Variants in IL1RAPL1 observed in about 807,000 individuals in gnomAD.
The protein encoded by IL1RAPL1 is interleukin-1 receptor accessory protein-like 1.
Under a neutral mutation model 48.4 loss-of-function variants are expected in IL1RAPL1, and 3 were observed. The ratio of observed to expected loss-of-function variants is 0.06; its 90% CI spans 0.03 to 0.16. IL1RAPL1 has a LOEUF of 0.16. Ranked by LOEUF, IL1RAPL1 falls within the 10% of genes least tolerant of loss-of-function variation. The pLI is 1.00. For missense variants in IL1RAPL1, 349 were observed against 530.6 expected (o/e 0.66, Z 3.36); for synonymous variants, 185 against 187.7 (o/e 0.99, Z 0.12).
chrX:28,643,416 T>C (rs1934570763), intron 1 of IL1RAPL1, among the ~76,000 whole-genome samples: 1 of 111,203 alleles, frequency 9.0e-6, no homozygotes, highest in African/African-American at 3.3e-5. Flanking sequence ...GGAAGTCACA[T>C]ACCATCACGT....
intron 5 of IL1RAPL1, among the ~76,000 whole-genome samples, chrX:29,589,329 G>A (rs973286957): frequency 9.0e-6 from 1 of 111,615 alleles, no homozygotes; most frequent in Admixed American, 9.5e-5. Context: ...CATAGTTAGC[G>A]AGCATCTTCT....
In IL1RAPL1 at chrX:29,955,508, C is replaced by T. The variant is rs368495685; in HGVS notation, c.1779C>T (p.Ala593=). ...ELQTVSAISM[A]AATSTALATA... is the part of the protein sequence containing the mutation. ...AGACTGTCTCGGCCATTTCCATGGC[C>T]GCGGCCACCTCCACAGCTCTAGCCA... Residue 593 remains alanine (A), a synonymous_variant, in exon 11 of 11, where the codon GCC becomes GCT. Coordinates refer to ENST00000378993, the MANE Select transcript of IL1RAPL1 (RefSeq NM_014271.4). 3.1e-5 allele frequency: 38 copies of T among 1,210,454 alleles called. No homozygotes were observed. In the South Asian group the frequency reaches 6.0e-4, roughly 19 times the overall value.
At chrX:28,939,852 A>G (rs1474411417) in intron 2 of IL1RAPL1, among the ~76,000 whole-genome samples, 1 of 111,184 alleles carries the variant, frequency 9.0e-6, no homozygotes, top group Non-Finnish European at 1.9e-5. Flanking sequence ...GTATGTTCAG[A>G]GGCAACTTTA....
intron 5 of IL1RAPL1, among the ~76,000 whole-genome samples, chrX:29,444,245 G>A (rs930807980): frequency 8.2e-5 from 9 of 109,156 alleles, no homozygotes; most frequent in African/African-American, 3.0e-4. Flanking sequence ...GGGAGTCAGA[G>A]GTGAGAGAAT....
chrX:29,270,812 G>A (rs1932030325), intron 2 of IL1RAPL1, among the ~76,000 whole-genome samples: 1 of 111,603 alleles, frequency 9.0e-6, no homozygotes, highest in Admixed American at 9.5e-5. Flanking sequence ...CCATTTGATT[G>A]TCATTGTATT....
At chrX:29,813,172 A>G (rs1348281172) in intron 6 of IL1RAPL1, among the ~76,000 whole-genome samples, 1 of 111,713 alleles carries the variant, frequency 9.0e-6, no homozygotes, top group Non-Finnish European at 1.9e-5. Flanking sequence ...GGGAAATATT[A>G]TGTATGTATG....
intron 3 of IL1RAPL1, among the ~76,000 whole-genome samples, chrX:29,288,933 T>C (rs191924856): frequency 1.5e-3 from 169 of 112,652 alleles, no homozygotes; most frequent in African/African-American, 5.1e-3. Flanking sequence ...CGTTTTTTCA[T>C]ATGTTTGTTG....
chrX:29,515,843 C>T (rs1013960803), intron 5 of IL1RAPL1, among the ~76,000 whole-genome samples: 5 of 111,002 alleles, frequency 4.5e-5, no homozygotes, highest in African/African-American at 6.6e-5. Flanking sequence ...TGTACCACCA[C>T]GCCTGGATGA....
rs990917730 is a variant in IL1RAPL1 at position 29,436,939 on chromosome X, C to A, written c.703+37631C>A. ...TTTGCTCTCAATTCTTTATATCTTA[C>A]GTGACAGCAATTAGTACCATGTAAT... On this transcript the variant is annotated intron_variant, in intron 5 of 10. Transcript: ENST00000378993. Among the ~76,000 whole-genome samples, 3 of 110,142 alleles carry A rather than the reference C, an allele frequency of 2.7e-5. No homozygotes were observed. The South Asian group carries it at 1.1e-3, about 41-fold the overall frequency.
At chrX:28,740,680 A>G (rs1408504855) in intron 1 of IL1RAPL1, among the ~76,000 whole-genome samples, 1 of 110,315 alleles carries the variant, frequency 9.1e-6, no homozygotes, top group Admixed American at 9.7e-5. Flanking sequence ...CCCAGTGTCT[A>G]TTGTCCCTCT....
In IL1RAPL1 at chrX:29,430,681, T is replaced by C. The variant is rs769313658; in HGVS notation, c.703+31373T>C. ...CTACATAAATTACATGATAGATATATAAATGTGTGTGTGTATATATGTAAA... is the reference window on the plus strand; with the variant it reads ...CTACATAAATTACATGATAGATATACAAATGTGTGTGTGTATATATGTAAA... On this transcript the variant is annotated intron_variant, in intron 5 of 10. Transcript: ENST00000378993. Among the ~76,000 whole-genome samples the C allele has an allele frequency of 2.3e-4, 25 of 110,559 alleles. No individual in the cohort carries two copies. The Admixed American group carries it at 2.4e-3, about 10-fold the overall frequency.
chrX:29,151,595 GA>G (rs1461046060), intron 2 of IL1RAPL1, among the ~76,000 whole-genome samples: 9 of 111,878 alleles, frequency 8.0e-5, no homozygotes, highest in Non-Finnish European at 1.5e-4. Context: ...GTGTTATCAA[GA>G]AAGTTACAAC....
At chrX:29,387,904 A>C (rs1192103783) in intron 3 of IL1RAPL1, among the ~76,000 whole-genome samples, 1 of 108,842 alleles carries the variant, frequency 9.2e-6, no homozygotes, top group African/African-American at 3.3e-5. Context: ...GAGGCACGAT[A>C]ATTCCTTGAA....
intron 3 of IL1RAPL1, among the ~76,000 whole-genome samples, chrX:29,337,010 G>A (rs1214626861): frequency 9.0e-6 from 1 of 110,881 alleles, no homozygotes; most frequent in Non-Finnish European, 1.9e-5. Context: ...AGACTGGAGG[G>A]TGGGAGAAGG....
At chrX:29,110,467 A>G (rs1928539798) in intron 2 of IL1RAPL1, among the ~76,000 whole-genome samples, 1 of 111,786 alleles carries the variant, frequency 8.9e-6, no homozygotes, top group South Asian at 3.7e-4. Flanking sequence ...GTTTTTATGC[A>G]GCAGGTCCTC....
intron 5 of IL1RAPL1, among the ~76,000 whole-genome samples, chrX:29,580,033 A>C (rs893195215): frequency 1.8e-5 from 2 of 111,371 alleles, no homozygotes; most frequent in Non-Finnish European, 3.8e-5. Context: ...AGATAAAGGT[A>C]GATGTTTTCC....
intron 2 of IL1RAPL1, among the ~76,000 whole-genome samples, chrX:29,007,987 A>T (rs1188582408): frequency 9.0e-6 from 1 of 111,454 alleles, no homozygotes; most frequent in Non-Finnish European, 1.9e-5. Context: ...ATGGTAGAAA[A>T]TTAAATGTAC....
chrX:29,038,307 C>T (rs955490042), intron 2 of IL1RAPL1, among the ~76,000 whole-genome samples: 2 of 111,688 alleles, frequency 1.8e-5, no homozygotes, highest in African/African-American at 6.5e-5. Context: ...CTGTAATTCA[C>T]TGAGCCTGTT....
intron 6 of IL1RAPL1, among the ~76,000 whole-genome samples, chrX:29,853,072 A>G (rs1288550740): frequency 2.7e-5 from 3 of 110,180 alleles, no homozygotes; most frequent in African/African-American, 9.9e-5. Flanking sequence ...GACCTTGGTG[A>G]GACACAGCAT....
Sources: gnomAD v4.1 joint callset for allele counts (sites outside exome capture counted in the v4.1 genomes callset) on GRCh38, gnomAD v4.1.1 for gene constraint, MANE v1.5 for transcripts, NCBI Gene and HGNC (gene_info 2026-07-23, HGNC 2026-07-21) for gene names.